SSX5: variants seen among roughly 807,000 people sequenced by gnomAD.
The protein encoded by SSX5 is protein SSX5.
A neutral mutation model predicts 14.9 loss-of-function variants in SSX5; 14 were observed. The ratio of observed to expected loss-of-function variants is 0.94; its 90% CI spans 0.62 to 1.47. The LOEUF is 1.47. SSX5 is among the 40% of genes most tolerant of loss of function. The pLI is 0.00. For synonymous variants in SSX5, 70 were observed against 55.4 expected, an observed-to-expected ratio of 1.26 and a Z score of -1.17; for missense variants, 204 against 154.6, an observed-to-expected ratio of 1.32 and a Z score of -1.70.
chrX:48,196,203 T>C (rs1220581669), intron 1 of SSX5, among the ~76,000 whole-genome samples: 1 of 111,035 alleles, frequency 9.0e-6, no homozygotes, highest in Non-Finnish European at 1.9e-5. Context: ...GGTGGGCGGA[T>C]CACTTGAGCC....
At chrX:48,194,540 G>A (rs1431951695) in intron 3 of SSX5, among the ~76,000 whole-genome samples, 200 bp downstream of exon 3, 1 of 110,909 alleles carries the variant, frequency 9.0e-6, no homozygotes, top group Non-Finnish European at 1.9e-5. Context: ...GCAGGATCCA[G>A]GTATGAGCTC....
intron 4 of SSX5, among the ~76,000 whole-genome samples, chrX:48,193,820 C>A (rs1214267773): frequency 2.8e-5 from 3 of 107,240 alleles, no homozygotes; most frequent in African/African-American, 1.0e-4. Flanking sequence ...ACTCAGCAAT[C>A]CCTGCCCGCC....
chrX:48,186,368 GT>G lies in SSX5; in HGVS notation c.*492del, dbSNP rs2059395955. ...GGAGATGCCTATACTGGTACTTGGT[GT>G]GTGTGTGTGTGTGTGTGTGTGTGTG... On this transcript the variant is annotated 3_prime_UTR_variant, in exon 8 of 8. Coordinates refer to ENST00000347757, the MANE Select transcript of SSX5 (RefSeq NM_175723.2). The G allele has an allele frequency of 2.4e-3, 63 of 26,273 alleles. No individual in the cohort carries two copies. Among genetic ancestry groups the G allele is most frequent in the African/African-American group, 6.2e-3 (56 of 9,102 alleles). The allele number at this position is 26,273 out of a possible 1,213,427, so 2.2% of individuals were successfully genotyped here. A position where few individuals can be genotyped will look rare whatever the true frequency, so the allele number is the denominator to read the frequency against.
intron 3 of SSX5, among the ~76,000 whole-genome samples, chrX:48,194,440 G>T (rs1281316479): frequency 1.8e-5 from 2 of 109,009 alleles, no homozygotes; most frequent in African/African-American, 6.7e-5. Context: ...GAGACAAGCC[G>T]AGAGAAGGAA....
chrX:48,187,810 T>A, intron 6 of SSX5, 79 bp from the exon 7 acceptor site: 1 of 1,115,549 alleles, frequency 9.0e-7, no homozygotes, highest in Non-Finnish European at 1.2e-6. Context: ...TTAGGCTCTG[T>A]TTTCTCCAAA....
In SSX5 at chrX:48,195,353, G is replaced by C; in HGVS notation, c.6C>G (p.Asn2Lys). 1 of 1,211,457 alleles carries C rather than the reference G, an allele frequency of 8.3e-7. No individual in the cohort carries two copies. Residue 2 changes from asparagine to lysine, a missense_variant, in exon 2 of 8, where the codon AAC (asparagine) becomes AAG (lysine). Coordinates refer to ENST00000347757, the MANE Select transcript of SSX5 (RefSeq NM_175723.2). MNGDDAFVRRPR... is the reference protein window; with the variant it reads MKGDDAFVRRPR... ...GTCTCCGTACAAAGGCATCGTCTCC[G>C]TTCATGGCACCGGGAGCACTCTGTC...
intron 7 of SSX5, among the ~76,000 whole-genome samples, chrX:48,187,392 G>A (rs2059402516): frequency 1.8e-5 from 2 of 110,606 alleles, no homozygotes; most frequent in Non-Finnish European, 3.8e-5. Flanking sequence ...CACGGGAGGC[G>A]GAGCTTGCAG....
intron 7 of SSX5, 145 bp from the exon 8 acceptor site, chrX:48,187,001 G>T: frequency 1.4e-6 from 1 of 720,308 alleles, no homozygotes; most frequent in South Asian, 2.2e-5. Context: ...ATGGTTCCTT[G>T]AAGTGAACCA....
chrX:48,189,843 G>T (rs2059412862), intron 6 of SSX5, among the ~76,000 whole-genome samples: 1 of 111,938 alleles, frequency 8.9e-6, no homozygotes, highest in Admixed American at 9.5e-5. Context: ...TTAATTTAAT[G>T]CCTCCAAACA....
rs782033607 is a variant in SSX5, at chrX:48,194,170, T to C, written c.239A>G (p.Gln80Arg). 6.6e-6 allele frequency: 8 copies of C among 1,210,628 alleles called. No homozygotes were observed. In the Admixed American group the frequency reaches 1.7e-4, roughly 26 times the overall value. ...AGGGTCATTATCAAAATCATTCCCC[T>C]GGAAGTCTGCGACCCGTTTATTACG... ...FMRNKRVADF[Q>R]GNDFDNDPNR... The change falls in exon 4 of 8, where the codon CAG (glutamine) becomes CGG (arginine). Residue 80 changes from glutamine to arginine, a missense_variant. Gln to Arg is a conservative substitution (Grantham distance 43). Transcript: ENST00000347757.
chrX:48,186,952 TC>T, intron 7 of SSX5, 96 bp from the exon 8 acceptor site: 1 of 1,065,007 alleles, frequency 9.4e-7, no homozygotes, highest in Non-Finnish European at 1.3e-6. Flanking sequence ...CCCTGCCCAC[TC>T]CGATTCTGCC....
Position 48,190,132 on chromosome X carries a change from C to A in SSX5, c.466+1G>T. 1 of 1,210,078 alleles carries A rather than the reference C, an allele frequency of 8.3e-7. No individual in the cohort carries two copies. The highest frequency in any genetic ancestry group is 1.1e-6 in the Non-Finnish European group (1 of 894,782). On this transcript the variant is annotated splice_donor_variant, in intron 6 of 7. Transcript: ENST00000347757. LOFTEE classifies it high-confidence loss of function. ...GTTGTTCCCAAATTCTTTTCTCTTA[C>A]CAGATGTCTTGTTAACCTTCTCAGA...
At chrX:48,196,056 C>A (rs1321300707) in intron 1 of SSX5, among the ~76,000 whole-genome samples, 1 of 110,550 alleles carries the variant, frequency 9.0e-6, no homozygotes. Context: ...GAGGCCAAGG[C>A]GTGCAGATCG....
chrX:48,190,326 G>T lies in SSX5; in HGVS notation c.331-58C>A, dbSNP rs61662524. 8,902 of 1,113,050 alleles carry T rather than the reference G, an allele frequency of 8.0e-3. 150 individuals are homozygous for T. The highest frequency in any genetic ancestry group is 0.062 in the East Asian group (1,936 of 31,361). The allele number at this position is 1,113,050 out of a possible 1,213,427, so 91.7% of individuals were successfully genotyped here. On this transcript the variant is annotated intron_variant, in intron 5 of 7. Transcript: ENST00000347757. ...TCAGTGACATTTCTTTAGTGCTTTA[G>T]AGCTTACAAAGAATCTTCACATGCA...
chrX:48,187,684 T>C lies in SSX5; in HGVS notation c.514A>G (p.Lys172Glu). Residue 172 changes from lysine (K) to glutamate (E), a missense_variant, in exon 7 of 8, where the codon AAG becomes GAG. Lys to Glu is a moderately conservative substitution (Grantham distance 56). Coordinates refer to ENST00000347757, the MANE Select transcript of SSX5 (RefSeq NM_175723.2). ...ATCTCTTCATAAATCACCAGTTGCT[T>C]TCTCTCACGCACTCTGTGGGTCCAG... is the stretch of plus-strand genomic sequence containing the variant. ...HAWTHRVRER[K>E]QLVIYEEISD... 8.3e-7 allele frequency: 1 copy of C among 1,209,765 alleles called. No individual in the cohort carries two copies. Among genetic ancestry groups the C allele is most frequent in the Non-Finnish European group, 1.1e-6 (1 of 895,204 alleles).
At chrX:48,192,810 G>C (rs2059425266) in intron 4 of SSX5, among the ~76,000 whole-genome samples, 1 of 112,476 alleles carries the variant, frequency 8.9e-6, no homozygotes, top group African/African-American at 3.2e-5. Flanking sequence ...GTGGGAGATT[G>C]TAGAGTCTGG....
rs1441713852 is a variant in SSX5 at position 48,195,233 on chromosome X, C to T, written c.69+57G>A. ...CCTCTGTCCTCCCCTCCTCAGAAAA[C>T]TGATCACCCCACACTGTCCCCTGGG... On this transcript the variant is annotated intron_variant, in intron 2 of 7. Coordinates refer to ENST00000347757, the MANE Select transcript of SSX5 (RefSeq NM_175723.2). 2.5e-6 allele frequency: 3 copies of T among 1,204,470 alleles called. No homozygotes were observed. In the Admixed American group the frequency reaches 6.6e-5, roughly 26 times the overall value.
At chrX:48,193,329 TGTC>T (rs782167754) in intron 4 of SSX5, among the ~76,000 whole-genome samples, 2 of 110,782 alleles carry the variant, frequency 1.8e-5, no homozygotes, top group Non-Finnish European at 3.8e-5. Context: ...AAGAACAACA[TGTC>T]GTTTAAAAAA....
intron 1 of SSX5, among the ~76,000 whole-genome samples, chrX:48,195,736 G>A (rs1450088457): frequency 2.7e-5 from 3 of 111,107 alleles, no homozygotes; most frequent in African/African-American, 9.8e-5. Context: ...TTTATTCAGT[G>A]GGGGCGTTCT....
Sources: gnomAD v4.1 joint callset for allele counts (sites outside exome capture counted in the v4.1 genomes callset) on GRCh38, gnomAD v4.1.1 for gene constraint, MANE v1.5 for transcripts, NCBI Gene and HGNC (gene_info 2026-07-23, HGNC 2026-07-21) for gene names.